ABTB3: variants seen among roughly 807,000 people sequenced by gnomAD.
ABTB3 encodes the protein ankyrin repeat and BTB domain containing 3.
chr12:107,331,194 C>T, the ABTB3 span, among the ~76,000 whole-genome samples: 1 of 152,236 alleles, frequency 6.6e-6, no homozygotes, highest in Non-Finnish European at 1.5e-5. Context: ...GGGAACGTGG[C>T]ACAGCCTTTT....
chr12:107,536,147 C>G, the ABTB3 span, among the ~76,000 whole-genome samples: 3 of 152,238 alleles, frequency 2.0e-5, no homozygotes, highest in Middle Eastern at 3.4e-3. Flanking sequence ...GGAAAGGACA[C>G]TCTTTTCAAT....
the ABTB3 span, among the ~76,000 whole-genome samples, chr12:107,476,577 C>T: frequency 6.6e-6 from 1 of 151,938 alleles, no homozygotes; most frequent in Admixed American, 6.5e-5. Context: ...TCATTTCTGT[C>T]ACTAGACCTC....
the ABTB3 span, chr12:107,615,178 C>T: frequency 6.3e-7 from 1 of 1,592,070 alleles, no homozygotes. Context: ...AACGTATTTC[C>T]CTATCCACAT....
At chr12:107,352,179 G>A in the ABTB3 span, among the ~76,000 whole-genome samples, 3 of 152,134 alleles carry the variant, frequency 2.0e-5, no homozygotes, top group African/African-American at 7.2e-5. Flanking sequence ...GCAGGTGCAG[G>A]GTGCTGTGGG....
the ABTB3 span, among the ~76,000 whole-genome samples, chr12:107,436,067 C>T: frequency 5.9e-3 from 892 of 152,346 alleles, 7 homozygotes; most frequent in Non-Finnish European, 8.1e-3. Flanking sequence ...CCAGGGCACC[C>T]TCCTCAAAAA....
the ABTB3 span, among the ~76,000 whole-genome samples, chr12:107,567,055 T>G: frequency 6.6e-6 from 1 of 152,206 alleles, no homozygotes; most frequent in Non-Finnish European, 1.5e-5. Context: ...AGTTCAAGGC[T>G]GCAGTGAGCC....
chr12:107,645,237 G>A, the ABTB3 span, among the ~76,000 whole-genome samples: 73 of 152,068 alleles, frequency 4.8e-4, no homozygotes, highest in Non-Finnish European at 7.8e-4. Flanking sequence ...AAAGTGCTGG[G>A]ATTACAGGCG....
chr12:107,555,080 G>T, the ABTB3 span, among the ~76,000 whole-genome samples: 1 of 152,180 alleles, frequency 6.6e-6, no homozygotes, highest in African/African-American at 2.4e-5. Flanking sequence ...GAACTCTCAG[G>T]CTTTGGAGCA....
At chr12:107,597,398 C>T in the ABTB3 span, among the ~76,000 whole-genome samples, 1 of 152,142 alleles carries the variant, frequency 6.6e-6, no homozygotes, top group Non-Finnish European at 1.5e-5. Flanking sequence ...GAGTGTAGCA[C>T]CAGCATCTGG....
the ABTB3 span, among the ~76,000 whole-genome samples, chr12:107,485,770 T>C: frequency 6.6e-6 from 1 of 152,218 alleles, no homozygotes; most frequent in Non-Finnish European, 1.5e-5. Flanking sequence ...CAAACTGTAG[T>C]TGAAATTATT....
chr12:107,354,790 A>G, the ABTB3 span, among the ~76,000 whole-genome samples: 1 of 152,260 alleles, frequency 6.6e-6, no homozygotes, highest in South Asian at 2.1e-4. Context: ...GATTATAGCC[A>G]TCCTCGTGGG....
chr12:107,489,317 T>C, the ABTB3 span, among the ~76,000 whole-genome samples: 4 of 152,122 alleles, frequency 2.6e-5, no homozygotes, highest in African/African-American at 9.7e-5. Context: ...GCTCAGGAGT[T>C]TGAAACCAGC....
the ABTB3 span, among the ~76,000 whole-genome samples, chr12:107,509,091 G>A: frequency 5.9e-5 from 9 of 152,176 alleles, no homozygotes; most frequent in African/African-American, 2.2e-4. Context: ...GGTCCCAGGA[G>A]CTCCTTGATA....
the ABTB3 span, among the ~76,000 whole-genome samples, chr12:107,636,218 AG>A: frequency 6.6e-6 from 1 of 152,176 alleles, no homozygotes; most frequent in African/African-American, 2.4e-5. Context: ...ATCAGGCACT[AG>A]GTTCTTTCAG....
chr12:107,376,556 A>T, the ABTB3 span, among the ~76,000 whole-genome samples: 2 of 152,116 alleles, frequency 1.3e-5, no homozygotes, highest in African/African-American at 2.4e-5. Flanking sequence ...TCCACCTTCC[A>T]GCGGAACAGA....
the ABTB3 span, among the ~76,000 whole-genome samples, chr12:107,470,184 G>T: frequency 6.6e-6 from 1 of 151,512 alleles, no homozygotes; most frequent in Non-Finnish European, 1.5e-5. Context: ...GATTACAGGC[G>T]TGCATGGCCA....
the ABTB3 span, among the ~76,000 whole-genome samples, chr12:107,542,609 G>A: frequency 1.3e-5 from 2 of 151,992 alleles, no homozygotes; most frequent in African/African-American, 4.8e-5. Flanking sequence ...TGGGACTTAG[G>A]GGCACTGAAC....
chr12:107,339,367 T>C, the ABTB3 span, among the ~76,000 whole-genome samples: 9 of 152,350 alleles, frequency 5.9e-5, no homozygotes, highest in African/African-American at 2.2e-4. Flanking sequence ...AGATGAGGAC[T>C]GCCCGGTGAG....
the ABTB3 span, chr12:107,318,932 G>A: frequency 6.3e-7 from 1 of 1,585,014 alleles, no homozygotes; most frequent in Non-Finnish European, 8.6e-7. Flanking sequence ...AGCATGAAGT[G>A]GCGCAGCGAT....
Sources: gnomAD v4.1 joint callset for allele counts (sites outside exome capture counted in the v4.1 genomes callset) on GRCh38, gnomAD v4.1.1 for gene constraint, MANE v1.5 for transcripts, NCBI Gene and HGNC (gene_info 2026-07-23, HGNC 2026-07-21) for gene names.